RORA: variants seen among roughly 807,000 people sequenced by gnomAD.
RORA encodes nuclear receptor ROR-alpha.
A neutral mutation model predicts 69.5 loss-of-function variants in RORA; 7 were observed. The observed-to-expected ratio is 0.10, with a 90% CI of 0.06 to 0.19. The LOEUF is 0.19. Among genes scored for constraint, RORA ranks in the 10% least tolerant of loss-of-function variants. The probability of loss-of-function intolerance (pLI) is 1.00; values close to 1 mark genes in which losing one functional copy is unlikely to be tolerated. For missense variants in RORA, 457 were observed against 663.0 expected, an observed-to-expected ratio of 0.69 and a Z score of 3.41; for synonymous variants, 261 against 240.8, an observed-to-expected ratio of 1.08 and a Z score of -0.78.
chr15:60,873,251 GTGTGTGTGTGTC>G (rs2073577789), intron 1 of RORA, among the ~76,000 whole-genome samples: 3 of 126,602 alleles, frequency 2.4e-5, no homozygotes, highest in East Asian at 2.0e-4. Flanking sequence ...GTGTGTGTCT[GTGTGTGTGTGTC>G]TGTGTGTGTG....
At chr15:61,039,517 A>C (rs1188086148) in intron 1 of RORA, among the ~76,000 whole-genome samples, 1 of 151,952 alleles carries the variant, frequency 6.6e-6, no homozygotes, top group Non-Finnish European at 1.5e-5. Flanking sequence ...AGTTCGAGGC[A>C]GGCAGATCAC....
intron 1 of RORA, among the ~76,000 whole-genome samples, chr15:61,104,892 T>A (rs954502011): frequency 1.3e-5 from 2 of 152,048 alleles, no homozygotes; most frequent in African/African-American, 2.4e-5. Flanking sequence ...TACTGAACCA[T>A]CTGATGGTTT....
At chr15:61,065,070 TA>T (rs1442815617) in intron 1 of RORA, among the ~76,000 whole-genome samples, 1 of 152,156 alleles carries the variant, frequency 6.6e-6, no homozygotes, top group African/African-American at 2.4e-5. Flanking sequence ...AAATTAACAA[TA>T]GTGTTATCAC....
At chr15:60,864,027 G>A (rs1281129682) in intron 1 of RORA, among the ~76,000 whole-genome samples, 1 of 152,072 alleles carries the variant, frequency 6.6e-6, no homozygotes, top group African/African-American at 2.4e-5. Flanking sequence ...GGCTGGTCTT[G>A]AACTCCTGAC....
intron 1 of RORA, among the ~76,000 whole-genome samples, chr15:61,169,833 T>A (rs1053885372): frequency 6.6e-6 from 1 of 152,062 alleles, no homozygotes; most frequent in African/African-American, 2.4e-5. Flanking sequence ...AAAAATTCAT[T>A]GGATTTCATC....
chr15:60,505,432 C>G (rs2065466918), intron 6 of RORA, 76 bp downstream of exon 6: 1 of 1,471,798 alleles, frequency 6.8e-7, no homozygotes. Flanking sequence ...TGTGTGAACT[C>G]TTGACCAACT....
chr15:61,091,237 C>A (rs1226179749), intron 1 of RORA, among the ~76,000 whole-genome samples: 1 of 152,136 alleles, frequency 6.6e-6, no homozygotes, highest in Non-Finnish European at 1.5e-5. Context: ...AAATAAGCCC[C>A]TCTAAGAAGG....
intron 1 of RORA, among the ~76,000 whole-genome samples, chr15:61,117,135 T>C (rs1282899757): frequency 6.6e-6 from 1 of 151,966 alleles, no homozygotes; most frequent in Non-Finnish European, 1.5e-5. Context: ...TTTTTTTTCA[T>C]AGATGGGTAA....
chr15:60,868,724 C>T (rs932256867), intron 1 of RORA, among the ~76,000 whole-genome samples: 4 of 152,146 alleles, frequency 2.6e-5, no homozygotes, highest in Non-Finnish European at 5.9e-5. Context: ...ATTCTAATGT[C>T]ATTTTATTAG....
At chr15:60,631,509 G>A (rs993501032) in intron 2 of RORA, among the ~76,000 whole-genome samples, 1 of 152,118 alleles carries the variant, frequency 6.6e-6, no homozygotes, top group Non-Finnish European at 1.5e-5. Context: ...CTTTGTAGGT[G>A]GAAAGTAATT....
intron 1 of RORA, among the ~76,000 whole-genome samples, chr15:61,210,723 T>C (rs1030281522): frequency 6.6e-6 from 1 of 152,166 alleles, no homozygotes; most frequent in Non-Finnish European, 1.5e-5. Flanking sequence ...AGAGGAAAAA[T>C]TCCTGGCTAA....
intron 1 of RORA, among the ~76,000 whole-genome samples, chr15:61,188,673 A>G (rs2079768114): frequency 1.3e-5 from 2 of 152,202 alleles, no homozygotes; most frequent in South Asian, 4.1e-4. Context: ...AAAAAATCAA[A>G]ATACAGCTGG....
chr15:61,151,080 TCACCAATAGATCATGAATAG>T (rs68098011), intron 1 of RORA, among the ~76,000 whole-genome samples: 73,173 of 152,054 alleles, frequency 0.48, 19,227 homozygotes, highest in Non-Finnish European at 0.6. Context: ...AGAGCAGACA[TCACCAATAGATCATGAATAG>T]CACTCTTTTA....
intron 1 of RORA, among the ~76,000 whole-genome samples, chr15:60,982,926 T>C (rs1262944570): frequency 1.3e-5 from 2 of 152,310 alleles, no homozygotes; most frequent in East Asian, 3.9e-4. Flanking sequence ...TGTTTTGTTT[T>C]GTATTTTCAT....
At chr15:61,101,302 A>G (rs1372769509) in intron 1 of RORA, among the ~76,000 whole-genome samples, 4 of 152,208 alleles carry the variant, frequency 2.6e-5, no homozygotes, top group African/African-American at 7.2e-5. Flanking sequence ...ATCCAGTTGG[A>G]AATTGTAACA....
intron 1 of RORA, among the ~76,000 whole-genome samples, chr15:60,968,679 T>TA (rs1203103896): frequency 1.3e-5 from 2 of 152,182 alleles, no homozygotes; most frequent in African/African-American, 4.8e-5. Flanking sequence ...TTTTTTTTTT[T>TA]TTATTAACTG....
At chr15:61,026,123 A>G (rs1361652972) in intron 1 of RORA, among the ~76,000 whole-genome samples, 1 of 152,332 alleles carries the variant, frequency 6.6e-6, no homozygotes, top group East Asian at 1.9e-4. Flanking sequence ...TGTAAATAAC[A>G]TCAGTCTTCG....
chr15:60,519,659 C>A (rs2066092378), intron 3 of RORA, among the ~76,000 whole-genome samples: 1 of 152,170 alleles, frequency 6.6e-6, no homozygotes, highest in Non-Finnish European at 1.5e-5. Context: ...ACCCAGCTTC[C>A]TACCGCCCAG....
At chr15:61,185,880 G>A (rs925591924) in intron 1 of RORA, among the ~76,000 whole-genome samples, 5 of 152,074 alleles carry the variant, frequency 3.3e-5, no homozygotes, top group African/African-American at 7.2e-5. Flanking sequence ...TGCCCAGACC[G>A]AGACCTGCAT....
Sources: allele counts gnomAD v4.1 joint callset (sites outside exome capture counted in the v4.1 genomes callset), GRCh38; gene constraint gnomAD v4.1.1; transcripts MANE v1.5; gene names NCBI Gene and HGNC (gene_info 2026-07-23, HGNC 2026-07-21).